SLC10A7: variants seen among roughly 807,000 people sequenced by gnomAD.
SLC10A7 encodes sodium/bile acid cotransporter 7.
SLC10A7 carries 29 observed loss-of-function variants against 43.2 expected under a neutral mutation model. The ratio of observed to expected loss-of-function variants is 0.67; its 90% CI spans 0.50 to 0.92. The LOEUF (loss-of-function observed/expected upper bound fraction) is 0.92. Ranked by LOEUF, SLC10A7 falls within the 40% of genes least tolerant of loss-of-function variation. SLC10A7 has a pLI of 0.00. For missense variants in SLC10A7, 295 were observed against 403.2 expected (o/e 0.73, Z 2.30); for synonymous variants, 152 against 144.8 (o/e 1.05, Z -0.35).
At chr4:146,377,091 A>AC (rs1560849572) in intron 5 of SLC10A7, among the ~76,000 whole-genome samples, 1 of 151,566 alleles carries the variant, frequency 6.6e-6, no homozygotes, top group Non-Finnish European at 1.5e-5. Context: ...TGTAAAGTAC[A>AC]TTTTTTTTTA....
At chr4:146,356,588 C>CAG (rs2149756268) in intron 5 of SLC10A7, among the ~76,000 whole-genome samples, 1 of 151,988 alleles carries the variant, frequency 6.6e-6, no homozygotes, top group Non-Finnish European at 1.5e-5. Context: ...CACACACACA[C>CAG]ACACTCCCCA....
intron 9 of SLC10A7, among the ~76,000 whole-genome samples, chr4:146,288,108 C>T (rs747110903): frequency 6.6e-6 from 1 of 152,178 alleles, no homozygotes; most frequent in African/African-American, 2.4e-5. Context: ...CACTGCTCTA[C>T]AGTCTTATCG....
In SLC10A7 at chr4:146,442,839, A is replaced by G; in HGVS notation, c.397-18T>C. The stretch of plus-strand genomic sequence containing the variant: ...GCAGCTGCCTATGAAGAAAATAAAT[A>G]GGGGAAAAAAACTCATTGAAAGTAA... On this transcript the variant is annotated intron_variant, in intron 4 of 11. Transcript: ENST00000335472. 1 of 1,521,710 alleles carries G rather than the reference A, an allele frequency of 6.6e-7. No individual in the cohort carries two copies. Among genetic ancestry groups the G allele is most frequent in the Non-Finnish European group, 8.9e-7 (1 of 1,118,444 alleles). 94.3% of individuals were successfully genotyped at this position (1,521,710 alleles called of 1,614,324 possible).
At chr4:146,435,528 T>C (rs1228986284) in intron 5 of SLC10A7, among the ~76,000 whole-genome samples, 2 of 152,212 alleles carry the variant, frequency 1.3e-5, no homozygotes, top group Non-Finnish European at 2.9e-5. Flanking sequence ...ATTCTCACTT[T>C]AAGAATCTGT....
At chr4:146,516,104 A>C (rs1737935723) in intron 2 of SLC10A7, among the ~76,000 whole-genome samples, 1 of 152,096 alleles carries the variant, frequency 6.6e-6, no homozygotes, top group Non-Finnish European at 1.5e-5. Flanking sequence ...CTGGACCAGA[A>C]TCTTAATTTT....
At chr4:146,487,836 A>T (rs1735053279) in intron 4 of SLC10A7, among the ~76,000 whole-genome samples, 1 of 152,082 alleles carries the variant, frequency 6.6e-6, no homozygotes, top group South Asian at 2.1e-4. Flanking sequence ...GCTTGAGCCC[A>T]GGATTGTTTG....
intron 5 of SLC10A7, among the ~76,000 whole-genome samples, chr4:146,390,808 T>A (rs182256647): frequency 3.7e-4 from 56 of 152,190 alleles, no homozygotes; most frequent in Admixed American, 3.5e-3. Flanking sequence ...CTTGCCTGCA[T>A]TGTAAGTACT....
Position 146,268,284 on chromosome 4 carries a change from T to C in SLC10A7, c.848-9447A>G, listed in dbSNP as rs141178936. On this transcript the variant is annotated intron_variant, in intron 10 of 11. Transcript: ENST00000335472. ...TCCTAAGAGACTTGGCCTTCCCTCA[T>C]ATTTCAAAACCAGAATTCAAAAATA... is the stretch of plus-strand genomic sequence containing the variant. Among the ~76,000 whole-genome samples the C allele has an allele frequency of 1.1e-4, 17 of 152,278 alleles. No homozygotes were observed. In the East Asian group the frequency reaches 2.9e-3, roughly 26 times the overall value.
chr4:146,511,499 T>C (rs1737459238), intron 2 of SLC10A7, among the ~76,000 whole-genome samples: 1 of 152,196 alleles, frequency 6.6e-6, no homozygotes, highest in Non-Finnish European at 1.5e-5. Context: ...CCAAAGTTTA[T>C]CAGTTTAATC....
intron 9 of SLC10A7, among the ~76,000 whole-genome samples, chr4:146,292,060 G>A (rs1378296734): frequency 1.3e-5 from 2 of 152,192 alleles, no homozygotes; most frequent in East Asian, 1.9e-4. Flanking sequence ...GGACAGAAAT[G>A]AGAAAGCATG....
chr4:146,255,452 T>A lies in SLC10A7; in HGVS notation c.*1039A>T, dbSNP rs926066945. 1 of 152,620 alleles carries A rather than the reference T, an allele frequency of 6.6e-6. No individual in the cohort carries two copies. The highest frequency in any genetic ancestry group is 2.4e-5 in the African/African-American group (1 of 41,436). 9.5% of individuals were successfully genotyped at this position (152,620 alleles called of 1,614,324 possible). A position where few individuals can be genotyped will look rare whatever the true frequency, so the allele number is the denominator to read the frequency against. ...CATGAAAGCAATATGATTTAACTTCTAAAAAAATATTGCCAACATTTGTCA... is the reference window on the plus strand; with the variant it reads ...CATGAAAGCAATATGATTTAACTTCAAAAAAAATATTGCCAACATTTGTCA... On this transcript the variant is annotated 3_prime_UTR_variant, in exon 12 of 12. Transcript: ENST00000335472.
intron 5 of SLC10A7, among the ~76,000 whole-genome samples, chr4:146,372,463 A>G (rs912900404): frequency 2.0e-5 from 3 of 152,008 alleles, no homozygotes; most frequent in African/African-American, 7.2e-5. Context: ...CAAAAAAAAA[A>G]AAAAAAAAAA....
intron 2 of SLC10A7, chr4:146,514,881 T>C: frequency 4.0e-6 from 2 of 499,046 alleles, no homozygotes; most frequent in Admixed American, 3.6e-5. Context: ...TCTTAAGTTA[T>C]ATGGCTTTTG....
At chr4:146,515,139 A>C (rs185397606) in intron 2 of SLC10A7, 543 of 702,464 alleles carry the variant, frequency 7.7e-4, no homozygotes, top group Non-Finnish European at 1.1e-3. Flanking sequence ...GCAGAATCGC[A>C]TTAAGTAAGA....
intron 5 of SLC10A7, among the ~76,000 whole-genome samples, chr4:146,360,633 T>C (rs1401426108): frequency 6.6e-6 from 1 of 152,064 alleles, no homozygotes; most frequent in East Asian, 1.9e-4. Flanking sequence ...TTTGTTTTTT[T>C]GTTAGTAGAG....
chr4:146,371,233 G>A (rs770073916), intron 5 of SLC10A7, among the ~76,000 whole-genome samples: 2 of 152,182 alleles, frequency 1.3e-5, no homozygotes, highest in African/African-American at 2.4e-5. Context: ...GATATCGGGG[G>A]TACCAGCAAA....
chr4:146,452,108 C>T (rs904003007), intron 4 of SLC10A7, among the ~76,000 whole-genome samples: 3 of 152,028 alleles, frequency 2.0e-5, no homozygotes, highest in Admixed American at 6.6e-5. Flanking sequence ...AGGACTACTC[C>T]GGCAGATCAG....
At chr4:146,346,358 T>G (rs1046922110) in intron 5 of SLC10A7, among the ~76,000 whole-genome samples, 1 of 152,132 alleles carries the variant, frequency 6.6e-6, no homozygotes, top group African/African-American at 2.4e-5. Context: ...ATGTGCAATA[T>G]GTGTAATGTA....
intron 5 of SLC10A7, among the ~76,000 whole-genome samples, chr4:146,441,444 A>C (rs1730593692): frequency 6.6e-6 from 1 of 152,204 alleles, no homozygotes; most frequent in African/African-American, 2.4e-5. Context: ...ATTTTCTCAA[A>C]GTCTAGACAT....
Sources: allele counts gnomAD v4.1 joint callset (sites outside exome capture counted in the v4.1 genomes callset), GRCh38; gene constraint gnomAD v4.1.1; transcripts MANE v1.5; gene names NCBI Gene and HGNC (gene_info 2026-07-23, HGNC 2026-07-21).